The following KDM3A variants were observed in gnomAD, a reference collection of about 807,000 sequenced individuals.
KDM3A encodes lysine demethylase 3A.
A neutral mutation model predicts 158.0 loss-of-function variants in KDM3A; 60 were observed. The observed-to-expected ratio is 0.38, with a 90% CI of 0.31 to 0.47. The LOEUF is 0.47. Ranked by LOEUF, KDM3A falls within the 20% of genes least tolerant of loss-of-function variation. The pLI is 0.99. For missense variants in KDM3A, 1,319 were observed against 1,574.3 expected (o/e 0.84, Z 2.74); for synonymous variants, 608 against 549.3 (o/e 1.11, Z -1.49).
intron 19 of KDM3A, 141 bp from the exon 20 acceptor site, chr2:86,484,801 T>C (rs974018272): frequency 2.2e-5 from 12 of 552,254 alleles, no homozygotes; most frequent in Non-Finnish European, 3.9e-5. Flanking sequence ...GTAATATTTG[T>C]ATACTAAATT....
chr2:86,439,157 G>A (rs888905015), upstream of KDM3A, among the ~76,000 whole-genome samples: 1 of 151,934 alleles, frequency 6.6e-6, no homozygotes, highest in Admixed American at 6.5e-5. Flanking sequence ...AGTTTTCTAT[G>A]TAATTTAAAA....
intron 10 of KDM3A, 80 bp from the exon 11 acceptor site, chr2:86,470,124 T>C: frequency 8.5e-7 from 1 of 1,181,236 alleles, no homozygotes; most frequent in Non-Finnish European, 1.2e-6. Flanking sequence ...AATATTGGGT[T>C]TTTGAATAGA....
In KDM3A at chr2:86,456,658, ATTATT is replaced by A. The variant is rs995056178; in HGVS notation, c.681+97_681+101del. 1.9e-5 allele frequency: 25 copies of A among 1,322,228 alleles called. No homozygotes were observed. The African/African-American group carries it at 2.4e-4, about 13-fold the overall frequency. The allele number at this position is 1,322,228 out of a possible 1,614,324, so 81.9% of individuals were successfully genotyped here. A position where few individuals can be genotyped will look rare whatever the true frequency, so the allele number is the denominator to read the frequency against. On this transcript the variant is annotated intron_variant, in intron 6 of 25. Transcript: ENST00000312912. The stretch of plus-strand genomic sequence containing the variant: ...GATTTTCTAGGCACTAAATACCTTT[ATTATT>A]TTATAGGGTAGAAATAATTACAGTT...
chr2:86,484,207 A>C, intron 19 of KDM3A, 49 bp downstream of exon 19: 2 of 1,506,260 alleles, frequency 1.3e-6, no homozygotes, highest in African/African-American at 1.4e-5. Context: ...AAAGGAGGGG[A>C]CACAGGAATG....
intron 21 of KDM3A, chr2:86,488,008 C>T (rs1239423600): frequency 8.2e-6 from 1 of 121,670 alleles, no homozygotes; most frequent in Non-Finnish European, 2.1e-5. Flanking sequence ...TTCCTATTGC[C>T]CTTAGTCTAA....
intron 10 of KDM3A, 98 bp from the exon 11 acceptor site, chr2:86,470,106 T>G: frequency 1.0e-6 from 1 of 966,166 alleles, no homozygotes. Context: ...GGGAGTTCTC[T>G]TTAAGGGAAT....
At chr2:86,437,563 C>T (rs917283685), upstream of KDM3A, among the ~76,000 whole-genome samples, 4 of 152,046 alleles carry the variant, frequency 2.6e-5, no homozygotes, top group Non-Finnish European at 5.9e-5. Context: ...GGGTCTGTTT[C>T]TTTGTTCTCT....
chr2:86,485,725 C>G lies in KDM3A; in HGVS notation c.3183-4C>G, dbSNP rs988033124. ...TTTGCAAATTCCTGGTTCTGTTGTTCTAGGTTTGATGATCTGATGGCCAAC... is the reference window on the plus strand; with the variant it reads ...TTTGCAAATTCCTGGTTCTGTTGTTGTAGGTTTGATGATCTGATGGCCAAC... On this transcript the variant is annotated splice_polypyrimidine_tract_variant and splice_region_variant and intron_variant, in intron 20 of 25. Coordinates refer to ENST00000312912, the MANE Select transcript of KDM3A (RefSeq NM_018433.6). 4 of 1,613,122 alleles carry G rather than the reference C, an allele frequency of 2.5e-6. No individual in the cohort carries two copies. The highest frequency in any genetic ancestry group is 1.1e-5 in the South Asian group (1 of 91,060).
chr2:86,439,672 T>C (rs1418244522), upstream of KDM3A, among the ~76,000 whole-genome samples: 19 of 152,138 alleles, frequency 1.2e-4, no homozygotes, highest in African/African-American at 4.3e-4. Context: ...TATTTATGTC[T>C]TCTACTCTGA....
intron 4 of KDM3A, among the ~76,000 whole-genome samples, chr2:86,453,505 A>G (rs570887572): frequency 5.3e-5 from 8 of 152,324 alleles, no homozygotes; most frequent in Admixed American, 2.0e-4. Flanking sequence ...GAAAAAGATA[A>G]GGTATCTGGA....
intron 11 of KDM3A, among the ~76,000 whole-genome samples, chr2:86,473,007 C>G (rs1673486984): frequency 6.6e-6 from 1 of 152,164 alleles, no homozygotes; most frequent in African/African-American, 2.4e-5. Context: ...GCCCACAAAA[C>G]TCATAGTCAG....
chr2:86,478,399 T>G, intron 14 of KDM3A, 134 bp downstream of exon 14: 1 of 833,806 alleles, frequency 1.2e-6, no homozygotes. Context: ...ATATATTAGA[T>G]AATTCCTCCA....
intron 11 of KDM3A, 115 bp downstream of exon 11, chr2:86,470,523 G>A: frequency 2.5e-6 from 2 of 790,810 alleles, no homozygotes; most frequent in Non-Finnish European, 4.1e-6. Flanking sequence ...AAAGGTGGTA[G>A]ATGTTGCATT....
At chr2:86,475,378 C>A (rs1475020992) in intron 12 of KDM3A, among the ~76,000 whole-genome samples, 2 of 152,142 alleles carry the variant, frequency 1.3e-5, no homozygotes, top group African/African-American at 4.8e-5. Flanking sequence ...CTCAGACCTA[C>A]CGAGTTAGAG....
At chr2:86,458,848 T>G (rs1050260205) in intron 8 of KDM3A, among the ~76,000 whole-genome samples, 1 of 152,050 alleles carries the variant, frequency 6.6e-6, no homozygotes, top group African/African-American at 2.4e-5. Context: ...TTCAGGAGAT[T>G]GACTTAAGCT....
intron 8 of KDM3A, among the ~76,000 whole-genome samples, chr2:86,463,375 TTG>T (rs1398934078): frequency 3.3e-5 from 5 of 151,850 alleles, no homozygotes; most frequent in African/African-American, 1.2e-4. Context: ...AAGTTTATTT[TTG>T]TGAATGGTAT....
intron 13 of KDM3A, 51 bp from the exon 14 acceptor site, chr2:86,478,119 T>C (rs758929147): frequency 8.1e-6 from 13 of 1,608,768 alleles, no homozygotes; most frequent in African/African-American, 4.0e-5. Flanking sequence ...TCTTGAAGCA[T>C]GTGGAGACAG....
chr2:86,449,199 AT>A (rs1683064505), intron 2 of KDM3A, among the ~76,000 whole-genome samples: 1 of 152,204 alleles, frequency 6.6e-6, no homozygotes, highest in Non-Finnish European at 1.5e-5. Context: ...CTTTGTGGTC[AT>A]TTTGTTAATC....
chr2:86,438,415 A>G (rs1169199815), upstream of KDM3A, among the ~76,000 whole-genome samples: 2 of 152,104 alleles, frequency 1.3e-5, no homozygotes, highest in African/African-American at 2.4e-5. Context: ...ATAAGTTCAA[A>G]TGATCTAATG....
Sources: gnomAD v4.1 joint callset for allele counts (sites outside exome capture counted in the v4.1 genomes callset) on GRCh38, gnomAD v4.1.1 for gene constraint, MANE v1.5 for transcripts, NCBI Gene and HGNC (gene_info 2026-07-23, HGNC 2026-07-21) for gene names.